Variants in PDCD1LG2 observed in about 807,000 individuals in gnomAD.
The protein encoded by PDCD1LG2 is programmed cell death 1 ligand 2, also known as B7 dendritic cell molecule.
A neutral mutation model predicts 28.2 loss-of-function variants in PDCD1LG2; 32 were observed. That is an observed-to-expected ratio of 1.13 (90% CI 0.86 to 1.52). PDCD1LG2 has a LOEUF of 1.52. Ranked by LOEUF, PDCD1LG2 falls within the 40% of genes most tolerant of loss-of-function variation. PDCD1LG2 has a pLI of 0.00. For missense variants in PDCD1LG2, 385 were observed against 323.8 expected (o/e 1.19, Z -1.45); for synonymous variants, 116 against 120.2 (o/e 0.97, Z 0.23).
At chr9:5,529,343 G>C (rs1405721879) in intron 2 of PDCD1LG2, among the ~76,000 whole-genome samples, 2 of 152,086 alleles carry the variant, frequency 1.3e-5, no homozygotes, top group Non-Finnish European at 2.9e-5. Flanking sequence ...TGATGTATAG[G>C]TTAAGCTCAT....
intron 5 of PDCD1LG2, among the ~76,000 whole-genome samples, chr9:5,558,592 C>T (rs1390721886): frequency 6.6e-6 from 1 of 152,228 alleles, no homozygotes; most frequent in Non-Finnish European, 1.5e-5. Flanking sequence ...TAGGAGTTTG[C>T]AGCAGCACTA....
intron 3 of PDCD1LG2, among the ~76,000 whole-genome samples, chr9:5,538,990 C>T (rs1820637958): frequency 6.6e-6 from 1 of 151,866 alleles, no homozygotes; most frequent in Non-Finnish European, 1.5e-5. Flanking sequence ...ATTCAATGTA[C>T]CCCTTCTGGC....
At chr9:5,522,926 G>A (rs1232804297) in intron 2 of PDCD1LG2, among the ~76,000 whole-genome samples, 1 of 152,152 alleles carries the variant, frequency 6.6e-6, no homozygotes, top group Admixed American at 6.5e-5. Flanking sequence ...TTCCCTTAAA[G>A]GTGAGATGCC....
chr9:5,548,632 T>C (rs1441850199), intron 3 of PDCD1LG2, among the ~76,000 whole-genome samples: 1 of 152,200 alleles, frequency 6.6e-6, no homozygotes, highest in Admixed American at 6.5e-5. Context: ...GGGAGCCATA[T>C]CTGTTTAATT....
intron 4 of PDCD1LG2, among the ~76,000 whole-genome samples, chr9:5,550,011 T>C (rs2129882004): frequency 6.6e-6 from 1 of 152,376 alleles, no homozygotes; most frequent in Admixed American, 6.5e-5. Flanking sequence ...GGGTCCACTG[T>C]TGTATTCCAT....
intron 4 of PDCD1LG2, among the ~76,000 whole-genome samples, chr9:5,554,898 C>T (rs894168760): frequency 1.3e-5 from 2 of 152,116 alleles, no homozygotes; most frequent in African/African-American, 4.8e-5. Flanking sequence ...CACTCAGTCT[C>T]TCATGTGTAG....
Position 5,563,186 on chromosome 9 carries a change from C to T in PDCD1LG2, c.791C>T (p.Thr264Ile). 6.2e-7 allele frequency: 1 copy of T among 1,612,670 alleles called. No homozygotes were observed. The highest frequency in any genetic ancestry group is 1.1e-5 in the South Asian group (1 of 91,006). Residue 264 changes from threonine to isoleucine, a missense_variant, in exon 6 of 7, where the codon ACA (threonine) becomes ATA (isoleucine). Thr to Ile is a moderately conservative substitution (Grantham distance 89). Transcript: ENST00000397747. ...GACACAACAAAAAGACCTGTCACCA[C>T]AACAAAGAGGGAAGTGAACAGTGCT... Reference protein sequence around the residue: ...SKDTTKRPVTTTKREVNSAI With the variant: ...SKDTTKRPVTITKREVNSAI
rs146333130 is a variant in PDCD1LG2 at position 5,549,451 on chromosome 9, G to T, written c.478G>T (p.Val160Phe). 51 of 1,614,128 alleles carry T rather than the reference G, an allele frequency of 3.2e-5. 1 individual carries two copies. In the South Asian group the frequency reaches 5.6e-4, roughly 18 times the overall value. Residue 160 changes from valine to phenylalanine, a missense_variant, in exon 4 of 7, where the codon GTT (valine) becomes TTT (phenylalanine). Val to Phe is a conservative substitution (Grantham distance 50). Coordinates refer to ENST00000397747, the MANE Select transcript of PDCD1LG2 (RefSeq NM_025239.4). Reference sequence around the variant, plus strand: ...AGAAGTATCCTGGCCAAACGTCAGCGTTCCTGCCAACACCAGCCACTCCAG... The same window carrying T: ...AGAAGTATCCTGGCCAAACGTCAGCTTTCCTGCCAACACCAGCCACTCCAG... ...LAEVSWPNVS[V>F]PANTSHSRTP... is the part of the protein sequence containing the mutation.
intron 4 of PDCD1LG2, among the ~76,000 whole-genome samples, chr9:5,554,567 C>G (rs748851658): frequency 2.0e-5 from 3 of 152,326 alleles, no homozygotes; most frequent in South Asian, 4.1e-4. Flanking sequence ...GGGTACTCCA[C>G]TGACTCTAGA....
chr9:5,515,909 C>T (rs1391465751), intron 1 of PDCD1LG2, among the ~76,000 whole-genome samples: 14 of 85,954 alleles, frequency 1.6e-4, no homozygotes, highest in Middle Eastern at 0.014. Context: ...GGTGAGAGAG[C>T]AAGACTCCAT....
At chr9:5,561,236 T>C (rs1816557860) in intron 5 of PDCD1LG2, among the ~76,000 whole-genome samples, 1 of 152,200 alleles carries the variant, frequency 6.6e-6, no homozygotes, top group Non-Finnish European at 1.5e-5. Context: ...TCAATAGCCA[T>C]GTACAGATAA....
At chr9:5,562,808 C>A (rs541386965) in intron 5 of PDCD1LG2, among the ~76,000 whole-genome samples, 2 of 152,220 alleles carry the variant, frequency 1.3e-5, no homozygotes, top group South Asian at 4.1e-4. Context: ...CTGACCTGGA[C>A]CAGGGAAGGC....
chr9:5,511,714 G>A (rs1363694628), intron 1 of PDCD1LG2, among the ~76,000 whole-genome samples: 4 of 152,122 alleles, frequency 2.6e-5, no homozygotes, highest in Non-Finnish European at 5.9e-5. Flanking sequence ...GAACAATCCT[G>A]GTCCTGCTGC....
Position 5,570,944 on chromosome 9 carries a change from C to T in PDCD1LG2, c.*985C>T, listed in dbSNP as rs73641643. On this transcript the variant is annotated 3_prime_UTR_variant, in exon 7 of 7. Coordinates refer to ENST00000397747, the MANE Select transcript of PDCD1LG2 (RefSeq NM_025239.4). ...ATGGAAATCCTGCAAGATCCCACTA[C>T]ATATGTGTGGAGCAGAAGGGTAACT... 3,973 of 232,766 alleles carry T rather than the reference C, an allele frequency of 0.017. 143 individuals are homozygous for T. Among genetic ancestry groups the T allele is most frequent in the African/African-American group, 0.079 (3,606 of 45,422 alleles). 14.4% of individuals were successfully genotyped at this position (232,766 alleles called of 1,614,324 possible). A position where few individuals can be genotyped will look rare whatever the true frequency, so the allele number is the denominator to read the frequency against.
intron 3 of PDCD1LG2, among the ~76,000 whole-genome samples, chr9:5,541,739 T>C (rs1305677898): frequency 6.6e-6 from 1 of 152,104 alleles, no homozygotes; most frequent in Middle Eastern, 3.2e-3. Flanking sequence ...AAAATGACCA[T>C]ACTTTGTAGA....
At chr9:5,547,616 T>C (rs1020992193) in intron 3 of PDCD1LG2, among the ~76,000 whole-genome samples, 4 of 152,198 alleles carry the variant, frequency 2.6e-5, no homozygotes, top group Admixed American at 6.5e-5. Flanking sequence ...TACAATATGA[T>C]GTTTTGATCT....
At position 5,534,760 on chromosome 9, in the gene PDCD1LG2, C is replaced by T. The variant is rs1320163307; in HGVS notation, c.71C>T (p.Thr24Ile). The T allele has an allele frequency of 2.9e-5, 46 of 1,600,588 alleles. No homozygotes were observed. In the Admixed American group the frequency reaches 7.3e-4, roughly 25 times the overall value. Residue 24 changes from threonine to isoleucine, a missense_variant, in exon 3 of 7, where the codon ACA becomes ATA. Physicochemically the swap from Thr to Ile is moderately conservative, Grantham distance 89. Coordinates refer to ENST00000397747, the MANE Select transcript of PDCD1LG2 (RefSeq NM_025239.4). ...LHQIAALFTV[T>I]VPKELYIIEH... The stretch of plus-strand genomic sequence containing the variant: ...TTCTTTTCAGCTTTATTCACAGTGA[C>T]AGTCCCTAAGGAACTGTACATAATA...
intron 3 of PDCD1LG2, among the ~76,000 whole-genome samples, chr9:5,536,454 A>T (rs557308007): frequency 6.6e-6 from 1 of 152,208 alleles, no homozygotes; most frequent in African/African-American, 2.4e-5. Context: ...CATTTCCTAC[A>T]TCCAGGCAGC....
At chr9:5,530,325 G>A (rs1193948618) in intron 2 of PDCD1LG2, among the ~76,000 whole-genome samples, 1 of 152,124 alleles carries the variant, frequency 6.6e-6, no homozygotes, top group African/African-American at 2.4e-5. Flanking sequence ...GAAAGCCTGT[G>A]TTGTCAGCTT....
Sources: gnomAD v4.1 joint callset for allele counts (sites outside exome capture counted in the v4.1 genomes callset) on GRCh38, gnomAD v4.1.1 for gene constraint, MANE v1.5 for transcripts, NCBI Gene and HGNC (gene_info 2026-07-23, HGNC 2026-07-21) for gene names.